The following TBCD variants were observed in gnomAD, a reference collection of about 807,000 sequenced individuals.
The protein encoded by TBCD is tubulin-specific chaperone D.
TBCD carries 105 observed loss-of-function variants against 169.3 expected under a neutral mutation model. That is an observed-to-expected ratio of 0.62 (90% CI 0.53 to 0.73). The LOEUF (loss-of-function observed/expected upper bound fraction) is 0.73, where lower values mean the gene tolerates loss of function less well. Ranked by LOEUF, TBCD falls within the 30% of genes least tolerant of loss-of-function variation. The pLI is 0.00. For missense variants in TBCD, 1,444 were observed against 1,600.1 expected, an observed-to-expected ratio of 0.90 and a Z score of 1.66; for synonymous variants, 700 against 643.9, an observed-to-expected ratio of 1.09 and a Z score of -1.32.
At position 82,915,047 on chromosome 17, in the gene TBCD, T is replaced by C. The variant is rs540088010; in HGVS notation, c.2038+3258T>C. Among the ~76,000 whole-genome samples, 8 of 152,282 alleles carry C rather than the reference T, an allele frequency of 5.3e-5. No individual in the cohort carries two copies. Among genetic ancestry groups the C allele is most frequent in the African/African-American group, 1.9e-4 (8 of 41,566 alleles). ...TGTACGCAGCTGTTTCCTGATATCCTTAGTTTTAGATGTGTTCTTTCAAGT... is the reference window on the plus strand; with the variant it reads ...TGTACGCAGCTGTTTCCTGATATCCCTAGTTTTAGATGTGTTCTTTCAAGT... On this transcript the variant is annotated intron_variant, in intron 23 of 38. Coordinates refer to ENST00000355528, the MANE Select transcript of TBCD (RefSeq NM_005993.5). The surrounding 1 kb of genome is among the most constrained non-coding windows in gnomAD (Gnocchi z 4.3).
At position 82,930,246 on chromosome 17, in the gene TBCD, G is replaced by A. The variant is rs2062087890; in HGVS notation, c.2992-276G>A. On this transcript the variant is annotated intron_variant, in intron 32 of 38. Coordinates refer to ENST00000355528, the MANE Select transcript of TBCD (RefSeq NM_005993.5). The surrounding 1 kb of genome is among the most constrained non-coding windows in gnomAD (Gnocchi z 5.2). ...GGGAAACGTGAGCGAAACCCAAGGT[G>A]AGTGGCCGCAGCCTTTCGTCACGTG... is the stretch of plus-strand genomic sequence containing the variant. 1 of 467,734 alleles carries A rather than the reference G, an allele frequency of 2.1e-6. No homozygotes were observed. Among genetic ancestry groups the A allele is most frequent in the Non-Finnish European group, 3.8e-6 (1 of 261,664 alleles). 29.0% of individuals were successfully genotyped at this position (467,734 alleles called of 1,614,324 possible). A position where few individuals can be genotyped will look rare whatever the true frequency, so the allele number is the denominator to read the frequency against.
At chr17:82,908,252 G>T in intron 21 of TBCD, 1 of 455,214 alleles carries the variant, frequency 2.2e-6, no homozygotes, top group Non-Finnish European at 4.4e-6. Flanking sequence ...TCTCCTGGTG[G>T]AGTTGGGGGC....
chr17:82,753,169 G>C (rs1440560647), intron 1 of TBCD, among the ~76,000 whole-genome samples: 1 of 152,146 alleles, frequency 6.6e-6, no homozygotes, highest in East Asian at 1.9e-4. Context: ...TGCATTATTT[G>C]GCCTTCCTCA....
intron 2 of TBCD, among the ~76,000 whole-genome samples, chr17:82,760,805 G>T (rs557101161): frequency 6.6e-6 from 1 of 152,122 alleles, no homozygotes; most frequent in East Asian, 1.9e-4. Context: ...CTCTGCTTCC[G>T]CAGTAACCAC....
intron 6 of TBCD, among the ~76,000 whole-genome samples, chr17:82,778,188 C>T (rs1174630538): frequency 6.6e-6 from 1 of 152,184 alleles, no homozygotes; most frequent in African/African-American, 2.4e-5. Flanking sequence ...AGATCTGTAT[C>T]TGGTATAACT....
chr17:82,787,714 TCAACA>T (rs2049416160), intron 7 of TBCD, among the ~76,000 whole-genome samples: 1 of 152,244 alleles, frequency 6.6e-6, no homozygotes, highest in Non-Finnish European at 1.5e-5. Flanking sequence ...AGGTGAACTC[TCAACA>T]AGTACCATCG....
At chr17:82,936,326 G>A (rs2062621678) in intron 34 of TBCD, among the ~76,000 whole-genome samples, 1 of 152,142 alleles carries the variant, frequency 6.6e-6, no homozygotes, top group African/African-American at 2.4e-5. Context: ...TAGGTTTTTT[G>A]TCTCGCGTGT....
chr17:82,830,570 G>C (rs779146449), intron 13 of TBCD: 6 of 1,613,966 alleles, frequency 3.7e-6, no homozygotes, highest in Non-Finnish European at 5.1e-6. Context: ...GTCTTCTGTG[G>C]AACAGCAGCA....
chr17:82,836,432 G>C (rs1444163385), intron 13 of TBCD, among the ~76,000 whole-genome samples: 1 of 152,260 alleles, frequency 6.6e-6, no homozygotes, highest in Non-Finnish European at 1.5e-5. Flanking sequence ...TTCATCAAGT[G>C]AGAGCTGCGT....
At position 82,837,314 on chromosome 17, in the gene TBCD, C is replaced by T. The variant is rs1161315499; in HGVS notation, c.1318+22380C>T. ...GCGTTTGAAATAGTCTCTGTGTGGTCAGTTTCTACCAGCCCGACTTTGTAC... is the reference window on the plus strand; with the variant it reads ...GCGTTTGAAATAGTCTCTGTGTGGTTAGTTTCTACCAGCCCGACTTTGTAC... On this transcript the variant is annotated intron_variant, in intron 13 of 38. Transcript: ENST00000355528. 2.6e-5 allele frequency among the ~76,000 whole-genome samples: 4 copies of T among 152,290 alleles called. No homozygotes were observed. The South Asian group carries it at 6.2e-4, about 24-fold the overall frequency.
In TBCD at chr17:82,890,717, C is replaced by T. The variant is rs1387623934; in HGVS notation, c.1563+1020C>T. Among the ~76,000 whole-genome samples, 6 of 152,270 alleles carry T rather than the reference C, an allele frequency of 3.9e-5. No individual in the cohort carries two copies. The East Asian group carries it at 9.7e-4, about 25-fold the overall frequency. ...CCCGAGGCAGCCGAGGCCCACCCAG[C>T]ATCCTTGGGGTGCCGTGGGGCCTGC... On this transcript the variant is annotated intron_variant, in intron 16 of 38. Coordinates refer to ENST00000355528, the MANE Select transcript of TBCD (RefSeq NM_005993.5). The surrounding 1 kb of genome is among the most constrained non-coding windows in gnomAD (Gnocchi z 5.3).
At chr17:82,822,628 G>A (rs1471814548) in intron 13 of TBCD, among the ~76,000 whole-genome samples, 1 of 152,160 alleles carries the variant, frequency 6.6e-6, no homozygotes, top group Non-Finnish European at 1.5e-5. Flanking sequence ...GGGAATACAC[G>A]GGGGTGCAGT....
Position 82,922,258 on chromosome 17 carries a change from G to A in TBCD, c.2178+681G>A, listed in dbSNP as rs1003951141. On this transcript the variant is annotated intron_variant, in intron 25 of 38. Coordinates refer to ENST00000355528, the MANE Select transcript of TBCD (RefSeq NM_005993.5). This position sits in a 1 kb window ranked among gnomAD's most constrained non-coding sequence, Gnocchi z 4.1. ...TGCCTGTAATCCCAGCTACTCAAGAGGCTGAGGCAGGAGAATTGCTTGAAC... is the reference window on the plus strand; with the variant it reads ...TGCCTGTAATCCCAGCTACTCAAGAAGCTGAGGCAGGAGAATTGCTTGAAC... 2.6e-5 allele frequency among the ~76,000 whole-genome samples: 4 copies of A among 152,206 alleles called. No homozygotes were observed. Among genetic ancestry groups the A allele is most frequent in the Non-Finnish European group, 4.4e-5 (3 of 68,038 alleles).
chr17:82,857,225 CT>C (rs1232801355), intron 13 of TBCD, among the ~76,000 whole-genome samples: 1 of 152,216 alleles, frequency 6.6e-6, no homozygotes, highest in Non-Finnish European at 1.5e-5. Flanking sequence ...CACTGAGCAT[CT>C]TTTCATGTGC....
chr17:82,834,631 C>T (rs1039737307), intron 13 of TBCD, among the ~76,000 whole-genome samples: 3 of 151,332 alleles, frequency 2.0e-5, no homozygotes, highest in South Asian at 2.1e-4. Flanking sequence ...GAAAACCAAA[C>T]GTGCATGGTC....
intron 13 of TBCD, among the ~76,000 whole-genome samples, chr17:82,850,774 G>C (rs1256076941): frequency 6.6e-6 from 1 of 152,226 alleles, no homozygotes; most frequent in African/African-American, 2.4e-5. Flanking sequence ...TTCGTATGGG[G>C]CTTGTGGTGA....
chr17:82,753,982 T>G (rs2047265450), intron 1 of TBCD, among the ~76,000 whole-genome samples: 1 of 150,534 alleles, frequency 6.6e-6, no homozygotes, highest in Non-Finnish European at 1.5e-5. Context: ...GTTCAAGTGA[T>G]TCTCCTGCCT....
chr17:82,814,778 T>C (rs1905050567), intron 12 of TBCD, 62 bp from the exon 13 acceptor site: 1 of 1,533,422 alleles, frequency 6.5e-7, no homozygotes, highest in Admixed American at 1.7e-5. Context: ...CTTGCCATGC[T>C]GTGGGCTTTG....
rs143618627 is a variant in TBCD, at chr17:82,753,236, G to A, written c.184+859G>A. On this transcript the variant is annotated intron_variant, in intron 1 of 38. Coordinates refer to ENST00000355528, the MANE Select transcript of TBCD (RefSeq NM_005993.5). ...TCAGGCAGGGTGGGGGGCCTTGTGG[G>A]AGGAGTGCGGGTTCGGCGTCAGATC... Among the ~76,000 whole-genome samples the A allele has an allele frequency of 2.7e-3, 409 of 152,210 alleles. 3 individuals are homozygous for A. The highest frequency in any genetic ancestry group is 8.9e-3 in the African/African-American group (368 of 41,518).
Sources: allele counts gnomAD v4.1 joint callset (sites outside exome capture counted in the v4.1 genomes callset), GRCh38; gene constraint gnomAD v4.1.1; non-coding constraint Gnocchi (gnomAD v3.1); transcripts MANE v1.5; gene names NCBI Gene and HGNC (gene_info 2026-07-23, HGNC 2026-07-21).